Variants in ZNF518A observed in about 807,000 individuals in gnomAD.
ZNF518A encodes the protein zinc finger protein 518.
In ZNF518A, 47 loss-of-function variants were observed where a neutral mutation model predicts 102.7. The ratio of observed to expected loss-of-function variants is 0.46; its 90% CI spans 0.36 to 0.58. The LOEUF is 0.58. Among genes scored for constraint, ZNF518A ranks in the 20% least tolerant of loss-of-function variants. The probability of loss-of-function intolerance (pLI) is 0.00; values close to 1 mark genes in which losing one functional copy is unlikely to be tolerated. For synonymous variants in ZNF518A, 652 were observed against 594.6 expected, an observed-to-expected ratio of 1.10 and a Z score of -1.40; for missense variants, 1,793 against 1,699.8, an observed-to-expected ratio of 1.05 and a Z score of -0.96.
In ZNF518A at chr10:96,157,194, C is replaced by T; in HGVS notation, c.872C>T (p.Ala291Val). 6.2e-7 allele frequency: 1 copy of T among 1,610,224 alleles called. No individual in the cohort carries two copies. Among genetic ancestry groups the T allele is most frequent in the Non-Finnish European group, 8.5e-7 (1 of 1,178,590 alleles). The change falls in exon 6 of 6, where the codon GCA becomes GTA. Residue 291 changes from alanine to valine, a missense_variant. Transcript: ENST00000316045. ...ACTTTGCACAAAGAACATTTATATG[C>T]AAAAGAAAAACTGGAAAAAGACAAA... ...VITLHKEHLY[A>V]KEKLEKDKYE... is the part of the protein sequence containing the mutation.
rs782252767 is a variant in ZNF518A, at chr10:96,158,036, A to T, written c.1714A>T (p.Thr572Ser). ...ASVNLTTKFE[T>S]RDNVDFWGNH... is the part of the protein sequence containing the mutation. The stretch of plus-strand genomic sequence containing the variant: ...AGTGAATTTGACCACAAAATTTGAA[A>T]CAAGAGATAATGTTGACTTCTGGGG... Residue 572 changes from threonine (T) to serine (S), a missense_variant, in exon 6 of 6, where the codon ACA becomes TCA. By Grantham distance (58) the Thr-to-Ser change is moderately conservative (BLOSUM62 1). Coordinates refer to ENST00000316045, the MANE Select transcript of ZNF518A (RefSeq NM_001330736.2). 1.2e-6 allele frequency: 2 copies of T among 1,613,692 alleles called. No individual in the cohort carries two copies. The highest frequency in any genetic ancestry group is 1.7e-6 in the Non-Finnish European group (2 of 1,179,808).
chr10:96,191,964 T>C (rs781794307), intron 1 of ZNF518A: 2 of 1,613,522 alleles, frequency 1.2e-6, no homozygotes, highest in African/African-American at 2.7e-5. Flanking sequence ...TGATCTTTTT[T>C]TTCCCCCTTT....
chr10:96,153,745 G>C (rs187378917), intron 3 of ZNF518A, among the ~76,000 whole-genome samples: 3 of 152,236 alleles, frequency 2.0e-5, no homozygotes, highest in Admixed American at 2.0e-4. Flanking sequence ...TGAAACTAGT[G>C]AAAACACATG....
intron 3 of ZNF518A, among the ~76,000 whole-genome samples, chr10:96,144,201 G>A (rs2082067909): frequency 1.3e-5 from 2 of 151,830 alleles, no homozygotes; most frequent in South Asian, 2.1e-4. Context: ...TTCTAGGCTG[G>A]TCTTGAACTC....
At chr10:96,184,071 C>T (rs2083256385) in intron 1 of ZNF518A, among the ~76,000 whole-genome samples, 1 of 152,146 alleles carries the variant, frequency 6.6e-6, no homozygotes, top group South Asian at 2.1e-4. Flanking sequence ...TATTTAATGG[C>T]CTTTTTTGTC....
rs895505646 is a variant in ZNF518A, at chr10:96,143,743, A to G, written c.-302+10095A>G. Reference sequence around the variant, plus strand: ...GTGGTGACATTGCCCTCTTGGTTTCAGTCAGGGTTCTTAGGAGAGCTGATG... The same window carrying G: ...GTGGTGACATTGCCCTCTTGGTTTCGGTCAGGGTTCTTAGGAGAGCTGATG... On this transcript the variant is annotated intron_variant, in intron 3 of 5. Transcript: ENST00000316045. Among the ~76,000 whole-genome samples, 50 of 152,328 alleles carry G rather than the reference A, an allele frequency of 3.3e-4. 1 individual carries two copies. Among genetic ancestry groups the G allele is most frequent in the African/African-American group, 1.2e-3 (48 of 41,572 alleles).
intron 1 of ZNF518A, among the ~76,000 whole-genome samples, chr10:96,175,982 T>C (rs947607168): frequency 4.6e-5 from 7 of 151,392 alleles, no homozygotes; most frequent in Non-Finnish European, 8.8e-5. Context: ...TAGGTCTTAC[T>C]CTATCTCTCA....
downstream of ZNF518A, chr10:96,204,811 TC>T: frequency 1.7e-6 from 1 of 583,548 alleles, no homozygotes; most frequent in East Asian, 3.2e-5. Flanking sequence ...CAGGACTCCC[TC>T]CCAGCAGTGT....
rs1401161085 is a variant in ZNF518A at position 96,149,568 on chromosome 10, CCCTTCCT to C, written c.-301-5748_-301-5742del. 1.5e-4 allele frequency among the ~76,000 whole-genome samples: 23 copies of C among 152,312 alleles called. No individual in the cohort carries two copies. In the East Asian group the frequency reaches 4.0e-3, roughly 27 times the overall value. On this transcript the variant is annotated intron_variant, in intron 3 of 5. Transcript: ENST00000316045. Reference sequence around the variant, plus strand: ...CAAATTTCTTTCTGTTTTAGCTTCCCCCTTCCTCCTTCCTCCCACAAGCTGGCAGTTC... The same window carrying C: ...CAAATTTCTTTCTGTTTTAGCTTCCCCCTTCCTCCCACAAGCTGGCAGTTC...
At chr10:96,168,046 T>A (rs3088372), downstream of ZNF518A, among the ~76,000 whole-genome samples, 24,493 of 152,202 alleles carry the variant, frequency 0.16, 2,616 homozygotes, top group African/African-American at 0.3. Context: ...TTATAATAAT[T>A]ATATGTCCAT....
chr10:96,131,213 A>G (rs1234870383), intron 1 of ZNF518A, among the ~76,000 whole-genome samples: 2 of 152,254 alleles, frequency 1.3e-5, no homozygotes, highest in African/African-American at 4.8e-5. Context: ...CAGGATAGGA[A>G]TTCTATTAAC....
chr10:96,191,961 T>C, intron 1 of ZNF518A: 1 of 1,613,610 alleles, frequency 6.2e-7, no homozygotes, highest in Non-Finnish European at 8.5e-7. Flanking sequence ...TATTGATCTT[T>C]TTTTTCCCCC....
chr10:96,139,605 C>T (rs782285437), intron 3 of ZNF518A, among the ~76,000 whole-genome samples: 3 of 152,122 alleles, frequency 2.0e-5, no homozygotes, highest in Admixed American at 6.5e-5. Context: ...TTACAGCAGC[C>T]AGAACAGAGT....
At chr10:96,183,700 C>A (rs1460970378) in intron 1 of ZNF518A, among the ~76,000 whole-genome samples, 2 of 152,174 alleles carry the variant, frequency 1.3e-5, no homozygotes, top group Non-Finnish European at 2.9e-5. Context: ...GATTTCTGTT[C>A]TTCTGCATTT....
intron 3 of ZNF518A, among the ~76,000 whole-genome samples, chr10:96,139,757 G>A (rs1162300577): frequency 6.6e-6 from 1 of 152,204 alleles, no homozygotes; most frequent in East Asian, 1.9e-4. Flanking sequence ...TGCCAGTTAG[G>A]AGGATGTTTT....
intron 1 of ZNF518A, among the ~76,000 whole-genome samples, chr10:96,193,685 A>T (rs1362180647): frequency 6.6e-6 from 1 of 152,234 alleles, no homozygotes; most frequent in Non-Finnish European, 1.5e-5. Flanking sequence ...GTGGACAGAA[A>T]AACAACGTAT....
chr10:96,157,199 GA>G lies in ZNF518A; in HGVS notation c.882del (p.Lys294AsnfsTer20). ...TLHKEHLYAK[E>X]KLEKDKYEKR... ...GCACAAAGAACATTTATATGCAAAAGAAAAACTGGAAAAAGACAAATATGAA... is the reference window on the plus strand; with the variant it reads ...GCACAAAGAACATTTATATGCAAAAGAAAACTGGAAAAAGACAAATATGAA... On this transcript the variant is annotated frameshift_variant, in exon 6 of 6. Coordinates refer to ENST00000316045, the MANE Select transcript of ZNF518A (RefSeq NM_001330736.2). LOFTEE classifies it high-confidence loss of function. 1 of 1,609,292 alleles carries G rather than the reference GA, an allele frequency of 6.2e-7. No homozygotes were observed. Among genetic ancestry groups the G allele is most frequent in the Non-Finnish European group, 8.5e-7 (1 of 1,178,122 alleles).
At chr10:96,178,633 C>A (rs1554891715) in intron 1 of ZNF518A, among the ~76,000 whole-genome samples, 1 of 151,766 alleles carries the variant, frequency 6.6e-6, no homozygotes, top group Admixed American at 6.6e-5. Flanking sequence ...AGAAAACAGA[C>A]AAACAATAGG....
rs1381539314 is a variant in ZNF518A at position 96,158,732 on chromosome 10, A to C, written c.2410A>C (p.Thr804Pro). 2 of 1,613,164 alleles carry C rather than the reference A, an allele frequency of 1.2e-6. No individual in the cohort carries two copies. The highest frequency in any genetic ancestry group is 1.3e-5 in the African/African-American group (1 of 74,856). ...TGATGTAAAACAAGACTCTAGTAAC[A>C]CTCCAAATAAAGGCTTGCCACTTCA... ...KPDVKQDSSNTPNKGLPLHCD... is the reference protein window; with the variant it reads ...KPDVKQDSSNPPNKGLPLHCD... The change falls in exon 6 of 6, where the codon ACT becomes CCT. Residue 804 changes from threonine (T) to proline (P), a missense_variant. By Grantham distance (38) the Thr-to-Pro change is conservative. Around this residue, in one of 3 missense-constraint regions of ZNF518A, gnomAD observed 1,741 missense variants for 1,622.6 expected, o/e 1.07. Coordinates refer to ENST00000316045, the MANE Select transcript of ZNF518A (RefSeq NM_001330736.2).
Sources: gnomAD v4.1 joint callset for allele counts (sites outside exome capture counted in the v4.1 genomes callset) on GRCh38, gnomAD v4.1.1 for gene constraint, gnomAD v4.1.1 regional missense constraint, MANE v1.5 for transcripts, NCBI Gene and HGNC (gene_info 2026-07-23, HGNC 2026-07-21) for gene names.